Variants in MORC1 observed in about 807,000 individuals in gnomAD.
MORC1 encodes the protein MORC family CW-type zinc finger 1.
MORC1 carries 59 observed loss-of-function variants against 134.9 expected under a neutral mutation model. The ratio of observed to expected loss-of-function variants is 0.44; its 90% CI spans 0.35 to 0.54. MORC1 has a LOEUF of 0.54. Ranked by LOEUF, MORC1 falls within the 20% of genes least tolerant of loss-of-function variation. MORC1 has a pLI of 0.00. For missense variants in MORC1, 947 were observed against 1,134.5 expected, an observed-to-expected ratio of 0.83 and a Z score of 2.37; for synonymous variants, 395 against 391.7, an observed-to-expected ratio of 1.01 and a Z score of -0.10.
chr3:109,020,206 T>C (rs182272882), intron 17 of MORC1, among the ~76,000 whole-genome samples: 59 of 152,344 alleles, frequency 3.9e-4, no homozygotes, highest in Admixed American at 7.2e-4. Flanking sequence ...TTTTAAGTAA[T>C]ACTTCATTTT....
Position 109,090,113 on chromosome 3 carries a change from A to T in MORC1, c.689+3323T>A, listed in dbSNP as rs185636280. 7.0e-3 allele frequency among the ~76,000 whole-genome samples: 1,067 copies of T among 152,032 alleles called. 14 individuals are homozygous for T. The highest frequency in any genetic ancestry group is 7.4e-3 in the Non-Finnish European group (504 of 67,978). On this transcript the variant is annotated intron_variant, in intron 8 of 27. Transcript: ENST00000232603. Reference sequence around the variant, plus strand: ...CTGATGACTGCTATCTATTGGAAAAATTTTTTTTAATTTAAGTGGAAACAG... The same window carrying T: ...CTGATGACTGCTATCTATTGGAAAATTTTTTTTTAATTTAAGTGGAAACAG...
intron 17 of MORC1, among the ~76,000 whole-genome samples, chr3:109,013,718 G>T (rs2107557989): frequency 6.6e-6 from 1 of 152,232 alleles, no homozygotes; most frequent in South Asian, 2.1e-4. Flanking sequence ...ATACATCTAT[G>T]CTATGGCTTG....
intron 24 of MORC1, among the ~76,000 whole-genome samples, chr3:108,974,041 C>T (rs1216768750): frequency 1.3e-5 from 2 of 151,968 alleles, no homozygotes; most frequent in African/African-American, 4.8e-5. Flanking sequence ...ACAGACACCC[C>T]CACCCCCCCA....
At chr3:109,102,812 CT>C (rs899245975) in intron 4 of MORC1, among the ~76,000 whole-genome samples, 3 of 152,032 alleles carry the variant, frequency 2.0e-5, no homozygotes, top group Non-Finnish European at 4.4e-5. Context: ...TGAAAAATTA[CT>C]TTTTTCAGCA....
chr3:109,020,452 C>T (rs1948929033), intron 17 of MORC1, among the ~76,000 whole-genome samples: 1 of 152,092 alleles, frequency 6.6e-6, no homozygotes, highest in Non-Finnish European at 1.5e-5. Flanking sequence ...GGTTAAATCA[C>T]ATGTTGGTAA....
intron 10 of MORC1, 50 bp from the exon 11 acceptor site, chr3:109,062,108 A>T (rs902554620): frequency 2.0e-6 from 3 of 1,524,596 alleles, no homozygotes; most frequent in Non-Finnish European, 2.7e-6. Context: ...ATTTCAAGCA[A>T]TTTTAAGTGA....
chr3:109,009,213 T>G (rs981714385), intron 17 of MORC1, among the ~76,000 whole-genome samples: 1 of 148,058 alleles, frequency 6.8e-6, no homozygotes, highest in African/African-American at 2.5e-5. Context: ...TGTTGTTTTT[T>G]TTTTTTTTTT....
At chr3:109,004,756 T>C in intron 20 of MORC1, 61 bp downstream of exon 20, 1 of 1,477,318 alleles carries the variant, frequency 6.8e-7, no homozygotes, top group Non-Finnish European at 9.3e-7. Context: ...ACTTAAAGAT[T>C]AAAGGTTTAT....
At chr3:108,998,395 C>G (rs995502375) in intron 21 of MORC1, among the ~76,000 whole-genome samples, 12 of 152,126 alleles carry the variant, frequency 7.9e-5, no homozygotes, top group African/African-American at 2.9e-4. Flanking sequence ...AAAAATAAGA[C>G]CCTAGGTCCC....
rs774251037 is a variant in MORC1, at chr3:109,035,298, AG to A, written c.1459+41del. 58 of 1,528,032 alleles carry A rather than the reference AG, an allele frequency of 3.8e-5. No homozygotes were observed. The East Asian group carries it at 7.1e-4, about 19-fold the overall frequency. 94.7% of individuals were successfully genotyped at this position (1,528,032 alleles called of 1,614,324 possible). On this transcript the variant is annotated intron_variant, in intron 15 of 27. Coordinates refer to ENST00000232603, the MANE Select transcript of MORC1 (RefSeq NM_014429.4). ...TAACACAATGACTTGCATATTTAAG[AG>A]CCCTTAACATTTGGTAATTATAATG... is the stretch of plus-strand genomic sequence containing the variant.
intron 3 of MORC1, among the ~76,000 whole-genome samples, chr3:109,104,843 A>C (rs949603890): frequency 1.4e-5 from 2 of 146,668 alleles, no homozygotes; most frequent in Non-Finnish European, 3.0e-5. Flanking sequence ...CACATGTTTA[A>C]AGTGCACAAT....
intron 8 of MORC1, among the ~76,000 whole-genome samples, chr3:109,079,871 C>T (rs561598793): frequency 6.6e-6 from 1 of 151,882 alleles, no homozygotes; most frequent in East Asian, 1.9e-4. Context: ...ATATGAATAC[C>T]AAGAAGAGTC....
chr3:109,057,723 T>C (rs1949994039), intron 12 of MORC1, among the ~76,000 whole-genome samples: 2 of 152,188 alleles, frequency 1.3e-5, no homozygotes, highest in Non-Finnish European at 1.5e-5. Context: ...CATCTGCCAA[T>C]TTAAATTTAC....
At chr3:108,960,242 A>G (rs1947045650) in intron 27 of MORC1, among the ~76,000 whole-genome samples, 1 of 152,214 alleles carries the variant, frequency 6.6e-6, no homozygotes, top group Non-Finnish European at 1.5e-5. Context: ...CAGACATCTC[A>G]AGTGGTTCAG....
At position 109,093,866 on chromosome 3, in the gene MORC1, TTG is replaced by T. The variant is rs1950777033; in HGVS notation, c.584-327_584-326del. Among the ~76,000 whole-genome samples, 3 of 152,244 alleles carry T rather than the reference TTG, an allele frequency of 2.0e-5. No homozygotes were observed. The South Asian group carries it at 6.2e-4, about 31-fold the overall frequency. Reference sequence around the variant, plus strand: ...AATTTGTTAAGAGCCTGAGCCAAGCTTGTGTTATAGGTAAAGCTCTCATTGGT... The same window carrying T: ...AATTTGTTAAGAGCCTGAGCCAAGCTTGTTATAGGTAAAGCTCTCATTGGT... On this transcript the variant is annotated intron_variant, in intron 7 of 27. Coordinates refer to ENST00000232603, the MANE Select transcript of MORC1 (RefSeq NM_014429.4).
chr3:109,094,170 C>A (rs1380776862), intron 7 of MORC1, among the ~76,000 whole-genome samples: 2 of 152,096 alleles, frequency 1.3e-5, no homozygotes, highest in Admixed American at 1.3e-4. Context: ...AGGTATGGGG[C>A]CACATTTGAC....
intron 17 of MORC1, among the ~76,000 whole-genome samples, chr3:109,016,585 G>A (rs1261821731): frequency 6.6e-6 from 1 of 152,098 alleles, no homozygotes. Flanking sequence ...GTCCCAGGCC[G>A]GGCGCAGTGG....
At chr3:109,081,744 C>T (rs1950524232) in intron 8 of MORC1, among the ~76,000 whole-genome samples, 2 of 152,162 alleles carry the variant, frequency 1.3e-5, no homozygotes. Flanking sequence ...TGAGCCACTG[C>T]GCCCAGCCAA....
chr3:109,008,009 T>C (rs1948588661), intron 17 of MORC1, among the ~76,000 whole-genome samples: 2 of 152,024 alleles, frequency 1.3e-5, no homozygotes, highest in African/African-American at 2.4e-5. Flanking sequence ...GGTAGGGAAA[T>C]ATGGTAGCAT....
Sources: allele counts gnomAD v4.1 joint callset (sites outside exome capture counted in the v4.1 genomes callset), GRCh38; gene constraint gnomAD v4.1.1; transcripts MANE v1.5; gene names NCBI Gene and HGNC (gene_info 2026-07-23, HGNC 2026-07-21).